The following NEIL1 variants were observed in gnomAD, a reference collection of about 807,000 sequenced individuals.
NEIL1 encodes the protein endonuclease 8-like 1.
In NEIL1, 31 loss-of-function variants were observed where a neutral mutation model predicts 44.2. The ratio of observed to expected loss-of-function variants is 0.70; its 90% CI spans 0.53 to 0.95. The LOEUF (loss-of-function observed/expected upper bound fraction) is 0.95. Ranked by LOEUF, NEIL1 falls within the 40% of genes least tolerant of loss-of-function variation. NEIL1 has a pLI of 0.00. For synonymous variants in NEIL1, 254 were observed against 209.7 expected (o/e 1.21, Z -1.83); for missense variants, 549 against 515.5 (o/e 1.07, Z -0.63).
Position 75,349,140 on chromosome 15 carries a change from T to C in NEIL1, c.235T>C (p.Phe79Leu). Residue 79 changes from phenylalanine (F) to leucine (L), a missense_variant, in exon 2 of 10, where the codon TTC becomes CTC. Phe to Leu is a conservative substitution (Grantham distance 22, BLOSUM62 0). Transcript: ENST00000355059. Reference sequence around the variant, plus strand: ...GGAGCCACTGGCCCTGGTCTTCCGCTTCGGCATGTCCGGCTCTTTTCAGCT... The same window carrying C: ...GGAGCCACTGGCCCTGGTCTTCCGCCTCGGCATGTCCGGCTCTTTTCAGCT... ...QQEPLALVFRFGMSGSFQLVP... is the reference protein window; with the variant it reads ...QQEPLALVFRLGMSGSFQLVP... 1 of 1,610,582 alleles carries C rather than the reference T, an allele frequency of 6.2e-7. No individual in the cohort carries two copies. The highest frequency in any genetic ancestry group is 8.5e-7 in the Non-Finnish European group (1 of 1,179,918).
At chr15:75,347,937 T>TA (rs1567224424) in intron 1 of NEIL1, 1 of 1,249,036 alleles carries the variant, frequency 8.0e-7, no homozygotes, top group Admixed American at 2.4e-5. Flanking sequence ...CTGCCGTCGC[T>TA]AAGTGCCCCC....
intron 5 of NEIL1, chr15:75,353,255 G>A (rs1045244714): frequency 1.1e-4 from 19 of 179,444 alleles, no homozygotes; most frequent in South Asian, 4.4e-4. Flanking sequence ...ACACACGCAC[G>A]TTTATATATA....
In NEIL1 at chr15:75,355,672, C is replaced by A. The variant is rs374803631; in HGVS notation, c.*638C>A. The A allele has an allele frequency of 1.9e-6, 1 of 517,982 alleles. No individual in the cohort carries two copies. The highest frequency in any genetic ancestry group is 3.5e-6 in the Non-Finnish European group (1 of 289,230). The allele number at this position is 517,982 out of a possible 1,614,324, so 32.1% of individuals were successfully genotyped here. A position where few individuals can be genotyped will look rare whatever the true frequency, so the allele number is the denominator to read the frequency against. On this transcript the variant is annotated 3_prime_UTR_variant, in exon 10 of 10. Coordinates refer to ENST00000355059, the MANE Select transcript of NEIL1 (RefSeq NM_024608.4). Reference sequence around the variant, plus strand: ...TGGGGGCTGCAACCCAGACCCTGCACGCACAGGTACCTTAGGATCTTGCCC... The same window carrying A: ...TGGGGGCTGCAACCCAGACCCTGCAAGCACAGGTACCTTAGGATCTTGCCC...
At chr15:75,350,242 GTC>G (rs2071776759) in intron 2 of NEIL1, among the ~76,000 whole-genome samples, 2 of 152,240 alleles carry the variant, frequency 1.3e-5, no homozygotes, top group South Asian at 2.1e-4. Flanking sequence ...ACGTGTATGA[GTC>G]TCTGCTTCAT....
intron 2 of NEIL1, among the ~76,000 whole-genome samples, chr15:75,349,918 G>A (rs543108227): frequency 1.1e-4 from 17 of 152,368 alleles, no homozygotes; most frequent in African/African-American, 4.1e-4. Flanking sequence ...TGTCAGAGAA[G>A]CTGGGGCTCC....
chr15:75,352,230 G>A lies in NEIL1; in HGVS notation c.554G>A (p.Arg185Gln), dbSNP rs139087139. ...TATCTGCGGGCAGAGATCCTGTACC[G>A]GTCAGCAAGCAGGCATGGGCATGGG... ...GNYLRAEILYRLKIPPFEKAR... is the reference protein window; with the variant it reads ...GNYLRAEILYQLKIPPFEKAR... The change falls in exon 3 of 10, where the codon CGG (arginine) becomes CAG (glutamine). Residue 185 changes from arginine (R) to glutamine (Q), a missense_variant and splice_region_variant. Physicochemically the swap from Arg to Gln is conservative, Grantham distance 43. Coordinates refer to ENST00000355059, the MANE Select transcript of NEIL1 (RefSeq NM_024608.4). The A allele has an allele frequency of 5.6e-5, 90 of 1,614,228 alleles. No individual in the cohort carries two copies. The African/African-American group carries it at 9.2e-4, about 16-fold the overall frequency.
rs369882175 is a variant in NEIL1 at position 75,349,269 on chromosome 15, C to T, written c.364C>T (p.Arg122Cys). The T allele has an allele frequency of 6.8e-6, 11 of 1,611,624 alleles. No homozygotes were observed. The highest frequency in any genetic ancestry group is 9.3e-6 in the Non-Finnish European group (11 of 1,179,732). ...LCFVDIRRFGRWDLGGKWQPG... is the reference protein window; with the variant it reads ...LCFVDIRRFGCWDLGGKWQPG... ...TTTCGTGGACATCCGCCGGTTCGGC[C>T]GCTGGGACCTTGGGGGAAAGTGGCA... The change falls in exon 2 of 10, where the codon CGC becomes TGC. Residue 122 changes from arginine to cysteine, a missense_variant. Transcript: ENST00000355059.
In NEIL1 at chr15:75,352,307, C is replaced by T; in HGVS notation, c.555-17C>T. 1 of 1,614,092 alleles carries T rather than the reference C, an allele frequency of 6.2e-7. No individual in the cohort carries two copies. Among genetic ancestry groups the T allele is most frequent in the Non-Finnish European group, 8.5e-7 (1 of 1,179,994 alleles). On this transcript the variant is annotated splice_polypyrimidine_tract_variant and intron_variant, in intron 3 of 9. Transcript: ENST00000355059. ...ATTCCCCACTGCCTAGCATGGCTTG[C>T]CTTGCCCCCACTACAGGCTGAAGAT...
chr15:75,356,640 G>A lies in NEIL1; in HGVS notation c.*1606G>A, dbSNP rs1436223513. On this transcript the variant is annotated 3_prime_UTR_variant, in exon 10 of 10. Coordinates refer to ENST00000355059, the MANE Select transcript of NEIL1 (RefSeq NM_024608.4). This position sits in a 1 kb window ranked among gnomAD's most constrained non-coding sequence, Gnocchi z 5.8. ...GCATCAGTGCATAGGTGAACTCGTGGCGCCCCGTGTCAGCAGTAGCGTCCG... is the reference window on the plus strand; with the variant it reads ...GCATCAGTGCATAGGTGAACTCGTGACGCCCCGTGTCAGCAGTAGCGTCCG... 1 of 1,570,944 alleles carries A rather than the reference G, an allele frequency of 6.4e-7. No homozygotes were observed. Among genetic ancestry groups the A allele is most frequent in the East Asian group, 2.3e-5 (1 of 42,598 alleles).
In NEIL1 at chr15:75,355,185, T is replaced by A; in HGVS notation, c.*151T>A. The A allele has an allele frequency of 1.6e-6, 1 of 630,000 alleles. No individual in the cohort carries two copies. Among genetic ancestry groups the A allele is most frequent in the Non-Finnish European group, 2.8e-6 (1 of 359,152 alleles). The allele number at this position is 630,000 out of a possible 1,614,324, so 39.0% of individuals were successfully genotyped here. On this transcript the variant is annotated 3_prime_UTR_variant, in exon 10 of 10. Coordinates refer to ENST00000355059, the MANE Select transcript of NEIL1 (RefSeq NM_024608.4). ...CTCTCATGGTTTTAATTGTACCCCA[T>A]CTTCCACATCTTTAAAGCTCATGTG...
intron 1 of NEIL1, chr15:75,348,062 C>G (rs2071579731): frequency 9.3e-7 from 1 of 1,071,206 alleles, no homozygotes; most frequent in Admixed American, 4.2e-5. Flanking sequence ...AGGGACCAGG[C>G]GCTGCCGCGG....
At position 75,356,733 on chromosome 15, in the gene NEIL1, G is replaced by A; in HGVS notation, c.*1699G>A. On this transcript the variant is annotated 3_prime_UTR_variant, in exon 10 of 10. Transcript: ENST00000355059. This position sits in a 1 kb window ranked among gnomAD's most constrained non-coding sequence, Gnocchi z 5.8. ...GGGCCACGCTGAAGCTGTTGGAGTT[G>A]TGGTCGGGAAGACCCATTTCTCCAT... 1 of 1,612,258 alleles carries A rather than the reference G, an allele frequency of 6.2e-7. No homozygotes were observed. The highest frequency in any genetic ancestry group is 1.1e-5 in the South Asian group (1 of 91,046).
At position 75,354,997 on chromosome 15, in the gene NEIL1, T is replaced by G. The variant is rs2072245140; in HGVS notation, c.1136T>G (p.Ile379Ser). The stretch of plus-strand genomic sequence containing the variant: ...AGACCCCGGAAGGTCAAGGCTGACA[T>G]CCCATCCTTGGAACCAGAGGGGACC... ...HCRPRKVKAD[I>S]PSLEPEGTSA... Residue 379 changes from isoleucine to serine, a missense_variant, in exon 10 of 10, where the codon ATC becomes AGC. Coordinates refer to ENST00000355059, the MANE Select transcript of NEIL1 (RefSeq NM_024608.4). 4.3e-6 allele frequency: 7 copies of G among 1,614,066 alleles called. No homozygotes were observed. In the East Asian group the frequency reaches 1.6e-4, roughly 36 times the overall value.
At chr15:75,348,805 C>G (rs1018589472) in intron 1 of NEIL1, 79 bp from the exon 2 acceptor site, 17 of 1,532,900 alleles carry the variant, frequency 1.1e-5, no homozygotes, top group Non-Finnish European at 1.4e-5. Context: ...CCTCCGAGTT[C>G]TCCTCTAAAA....
chr15:75,354,690 G>A lies in NEIL1; in HGVS notation c.974G>A (p.Arg325Gln), dbSNP rs749895649. Residue 325 changes from arginine to glutamine, a missense_variant, in exon 9 of 10, where the codon CGA becomes CAA. Arg to Gln is a conservative substitution (Grantham distance 43). Transcript: ENST00000355059. ...LPPSKAPSRTRRAKRDLPKRT... is the reference protein window; with the variant it reads ...LPPSKAPSRTQRAKRDLPKRT... ...CCAAGCAAGGCCCCTTCCAGGACAC[G>A]AAGGGCAAAGAGAGACCTTCCTAAG... The A allele has an allele frequency of 8.1e-6, 13 of 1,614,020 alleles. No homozygotes were observed. Among genetic ancestry groups the A allele is most frequent in the African/African-American group, 4.0e-5 (3 of 74,896 alleles).
At chr15:75,354,210 A>G in intron 6 of NEIL1, 40 bp from the exon 7 acceptor site, 1 of 1,613,382 alleles carries the variant, frequency 6.2e-7, no homozygotes, top group South Asian at 1.1e-5. Context: ...CCCCTGTGCC[A>G]ACCCAGGCTG....
At position 75,348,099 on chromosome 15, in the gene NEIL1, C is replaced by G. The variant is rs927923034; in HGVS notation, c.-23+626C>G. 1.6e-4 allele frequency: 149 copies of G among 934,664 alleles called. 1 individual carries two copies. The highest frequency in any genetic ancestry group is 1.9e-4 in the Non-Finnish European group (141 of 748,386). The allele number at this position is 934,664 out of a possible 1,614,324, so 57.9% of individuals were successfully genotyped here. On this transcript the variant is annotated intron_variant, in intron 1 of 9. Transcript: ENST00000355059. ...CCCTTTCCCTCCCCCAGGCCCGGGGCAGGAGCTCGGGGAGCCCTTCCTGGT... is the reference window on the plus strand; with the variant it reads ...CCCTTTCCCTCCCCCAGGCCCGGGGGAGGAGCTCGGGGAGCCCTTCCTGGT...
chr15:75,348,021 G>A lies in NEIL1; in HGVS notation c.-23+548G>A, dbSNP rs529478355. On this transcript the variant is annotated intron_variant, in intron 1 of 9. Transcript: ENST00000355059. ...AGAGGCAAGTGGCAAAGCAGGGAGG[G>A]CGGAGGTGAGGAGTCGATACCCCCC... The A allele has an allele frequency of 1.3e-5, 15 of 1,177,406 alleles. 1 individual carries two copies. The African/African-American group carries it at 2.2e-4, about 18-fold the overall frequency. The allele number at this position is 1,177,406 out of a possible 1,614,324, so 72.9% of individuals were successfully genotyped here.
intron 6 of NEIL1, 123 bp downstream of exon 6, chr15:75,353,989 C>A: frequency 7.5e-7 from 1 of 1,340,824 alleles, no homozygotes; most frequent in East Asian, 2.3e-5. Context: ...CCACACTGTT[C>A]CTGAGGGTCA....
Sources: gnomAD v4.1 joint callset for allele counts (sites outside exome capture counted in the v4.1 genomes callset) on GRCh38, gnomAD v4.1.1 for gene constraint, Gnocchi (gnomAD v3.1) non-coding constraint, MANE v1.5 for transcripts, NCBI Gene and HGNC (gene_info 2026-07-23, HGNC 2026-07-21) for gene names.